MEMO1: variants seen among roughly 807,000 people sequenced by gnomAD.
MEMO1 encodes the protein mediator of cell motility 1.
A neutral mutation model predicts 45.2 loss-of-function variants in MEMO1; 6 were observed. The observed-to-expected ratio is 0.13, with a 90% CI of 0.07 to 0.26. The LOEUF is 0.26. Ranked by LOEUF, MEMO1 falls within the 10% of genes least tolerant of loss-of-function variation. The pLI is 1.00. For missense variants in MEMO1, 184 were observed against 370.5 expected (o/e 0.50, Z 4.13); for synonymous variants, 78 against 124.3 (o/e 0.63, Z 2.48).
chr2:31,906,490 A>G (rs924798191), intron 6 of MEMO1, among the ~76,000 whole-genome samples: 4 of 149,068 alleles, frequency 2.7e-5, no homozygotes, highest in Admixed American at 2.7e-4. Context: ...AGCCTGGCTA[A>G]TTTTTTGTAT....
chr2:31,980,163 G>A (rs1349684408), intron 2 of MEMO1, among the ~76,000 whole-genome samples: 4 of 152,188 alleles, frequency 2.6e-5, no homozygotes, highest in South Asian at 2.1e-4. Flanking sequence ...CAGGCATGGT[G>A]ACTCACAACT....
chr2:31,979,664 A>G (rs949490435), intron 2 of MEMO1, among the ~76,000 whole-genome samples: 2 of 152,174 alleles, frequency 1.3e-5, no homozygotes, highest in Non-Finnish European at 2.9e-5. Context: ...TTTTTTAAAA[A>G]TAAAAAATAA....
chr2:31,917,898 TG>T, intron 6 of MEMO1, 27 bp downstream of exon 6: 1 of 1,429,238 alleles, frequency 7.0e-7, no homozygotes, highest in South Asian at 1.3e-5. Flanking sequence ...TATGATTTCC[TG>T]GGGATTTCTT....
In MEMO1 at chr2:31,993,949, C is replaced by CTTTTTTT. The variant is rs397800267; in HGVS notation, c.61+16231_61+16237dup. Among the ~76,000 whole-genome samples, 41 of 73,610 alleles carry CTTTTTTT rather than the reference C, an allele frequency of 5.6e-4. 5 individuals carry two copies. The South Asian group carries it at 5.8e-3, about 10-fold the overall frequency. 48.3% of individuals were successfully genotyped at this position (73,610 alleles called of 152,430 possible). On this transcript the variant is annotated intron_variant, in intron 2 of 9. Coordinates refer to ENST00000404530, the MANE Select transcript of MEMO1 (RefSeq NM_001301833.4). ...AATACAGAAATATCATCAATACTTTCTTTTTTTTTTTTTTTTTTTTTTTTT... is the reference window on the plus strand; with the variant it reads ...AATACAGAAATATCATCAATACTTTCTTTTTTTTTTTTTTTTTTTTTTTTTTTTTTTT...
At chr2:31,999,319 T>A (rs1672983052) in intron 2 of MEMO1, among the ~76,000 whole-genome samples, 1 of 152,090 alleles carries the variant, frequency 6.6e-6, no homozygotes, top group Admixed American at 6.6e-5. Context: ...CTACATTAGA[T>A]CATGCCATCA....
intron 6 of MEMO1, among the ~76,000 whole-genome samples, chr2:31,904,063 T>C (rs1679285184): frequency 6.6e-6 from 1 of 152,238 alleles, no homozygotes; most frequent in African/African-American, 2.4e-5. Flanking sequence ...AAGGTTAAGA[T>C]GGCATTTCAG....
At chr2:31,941,431 A>G (rs1358931451) in intron 3 of MEMO1, among the ~76,000 whole-genome samples, 3 of 152,034 alleles carry the variant, frequency 2.0e-5, no homozygotes, top group African/African-American at 7.2e-5. Context: ...GTCACTCTCA[A>G]TCCTCTATCT....
chr2:31,955,341 A>G (rs2148381542), intron 2 of MEMO1, among the ~76,000 whole-genome samples: 1 of 152,374 alleles, frequency 6.6e-6, no homozygotes, highest in Non-Finnish European at 1.5e-5. Context: ...GAGAAATCAT[A>G]TAATCTATAA....
At chr2:31,967,203 A>T (rs1572840924) in intron 2 of MEMO1, among the ~76,000 whole-genome samples, 1 of 151,428 alleles carries the variant, frequency 6.6e-6, no homozygotes, top group African/African-American at 2.4e-5. Context: ...GGCTCACTGC[A>T]AGCTCCGCCT....
rs184782240 is a variant in MEMO1, at chr2:31,963,846, T to C, written c.62-20463A>G. 3.1e-3 allele frequency among the ~76,000 whole-genome samples: 470 copies of C among 152,332 alleles called. 2 individuals are homozygous for C. The highest frequency in any genetic ancestry group is 0.011 in the African/African-American group (443 of 41,576). On this transcript the variant is annotated intron_variant, in intron 2 of 9. Coordinates refer to ENST00000404530, the MANE Select transcript of MEMO1 (RefSeq NM_001301833.4). ...CTAGCCACATACTGCTACTGGGTACTTGAAATGTGGCTAATACTGAGATGT... is the reference window on the plus strand; with the variant it reads ...CTAGCCACATACTGCTACTGGGTACCTGAAATGTGGCTAATACTGAGATGT...
chr2:31,868,559 G>A (rs1411986122), intron 9 of MEMO1, 67 bp from the exon 10 acceptor site: 61 of 1,434,534 alleles, frequency 4.3e-5, no homozygotes, highest in Non-Finnish European at 5.1e-5. Context: ...ATGTGTTTGC[G>A]GTTTGACTTT....
rs13390136 is a variant in MEMO1 at position 31,948,232 on chromosome 2, A to G, written c.62-4849T>C. On this transcript the variant is annotated intron_variant, in intron 2 of 9. Transcript: ENST00000404530. ...AAAGAAAAGATCTATTTTAGATACC[A>G]GGACAAGCTGGTAAGAGAAACATTT... 8.4e-3 allele frequency among the ~76,000 whole-genome samples: 1,273 copies of G among 152,362 alleles called. 18 individuals are homozygous for G. Among genetic ancestry groups the G allele is most frequent in the Non-Finnish European group, 0.013 (863 of 68,032 alleles).
At chr2:31,969,614 T>G (rs1044147223) in intron 2 of MEMO1, among the ~76,000 whole-genome samples, 79 of 150,706 alleles carry the variant, frequency 5.2e-4, no homozygotes, top group African/African-American at 1.8e-3. Context: ...TGTGTGTGTG[T>G]GTGTGTGTGT....
At chr2:31,963,502 A>C (rs1329483773) in intron 2 of MEMO1, among the ~76,000 whole-genome samples, 1 of 152,240 alleles carries the variant, frequency 6.6e-6, no homozygotes, top group Non-Finnish European at 1.5e-5. Context: ...ACTGGTAAAT[A>C]AAAGAAAAAG....
chr2:31,978,375 A>G (rs781709833), intron 2 of MEMO1, among the ~76,000 whole-genome samples: 22 of 152,188 alleles, frequency 1.4e-4, no homozygotes, highest in Non-Finnish European at 2.9e-4. Flanking sequence ...GCAAGACAGC[A>G]AGACTCTGTC....
At chr2:31,957,016 C>T (rs1218025505) in intron 2 of MEMO1, among the ~76,000 whole-genome samples, 1 of 151,972 alleles carries the variant, frequency 6.6e-6, no homozygotes, top group African/African-American at 2.4e-5. Context: ...GTAGCATGTG[C>T]CTGTAGTCCC....
chr2:32,008,395 CCAACATGGT>C (rs1350497752), intron 2 of MEMO1, among the ~76,000 whole-genome samples: 5 of 152,192 alleles, frequency 3.3e-5, no homozygotes, highest in African/African-American at 1.2e-4. Context: ...ACCAGCATGG[CCAACATGGT>C]GAAACCTGTC....
At chr2:31,908,179 C>A (rs1245599753) in intron 6 of MEMO1, among the ~76,000 whole-genome samples, 5 of 152,178 alleles carry the variant, frequency 3.3e-5, no homozygotes, top group Non-Finnish European at 7.3e-5. Flanking sequence ...TAAATGTCTA[C>A]CTTTTTTTCC....
chr2:31,940,986 C>T (rs1311945193), intron 3 of MEMO1, among the ~76,000 whole-genome samples: 1 of 152,204 alleles, frequency 6.6e-6, no homozygotes. Context: ...AAATAAGCCT[C>T]CTAAACTGGA....
Sources: gnomAD v4.1 joint callset for allele counts (sites outside exome capture counted in the v4.1 genomes callset) on GRCh38, gnomAD v4.1.1 for gene constraint, MANE v1.5 for transcripts, NCBI Gene and HGNC (gene_info 2026-07-23, HGNC 2026-07-21) for gene names.